The following GRIP2 variants were observed in gnomAD, a reference collection of about 807,000 sequenced individuals.
GRIP2 encodes the protein glutamate receptor-interacting protein 2.
In GRIP2, 58 loss-of-function variants were observed where a neutral mutation model predicts 108.3. That is an observed-to-expected ratio of 0.54 (90% CI 0.43 to 0.67). The LOEUF (loss-of-function observed/expected upper bound fraction) is 0.67. GRIP2 is among the 30% of genes least tolerant of loss of function. The probability of loss-of-function intolerance (pLI) is 0.00; values close to 1 mark genes in which losing one functional copy is unlikely to be tolerated. For synonymous variants in GRIP2, 586 were observed against 598.2 expected (o/e 0.98, Z 0.30); for missense variants, 1,278 against 1,430.6 (o/e 0.89, Z 1.72).
At chr3:14,564,008 C>G in the GRIP2 span, among the ~76,000 whole-genome samples, 2 of 152,220 alleles carry the variant, frequency 1.3e-5, no homozygotes, top group East Asian at 3.9e-4. Context: ...CAGACCTGCT[C>G]TGAGGCTCAG....
In GRIP2 at chr3:14,493,634, G is replaced by T; in HGVS notation, c.*31C>A. ...CTGGGAGCCAGGATCTGCCTGGGTG[G>T]CCCCTTAGGAGTTCGGCCCACATGC... On this transcript the variant is annotated 3_prime_UTR_variant, in exon 24 of 24. Coordinates refer to ENST00000621039, the MANE Select transcript of GRIP2 (RefSeq NM_001080423.4). 1 of 1,544,176 alleles carries T rather than the reference G, an allele frequency of 6.5e-7. No homozygotes were observed. The highest frequency in any genetic ancestry group is 8.8e-7 in the Non-Finnish European group (1 of 1,139,566).
intron 1 of GRIP2, among the ~76,000 whole-genome samples, chr3:14,531,604 T>C (rs1205464986): frequency 1.3e-5 from 2 of 152,174 alleles, no homozygotes; most frequent in Non-Finnish European, 2.9e-5. Flanking sequence ...CCACATTATC[T>C]TGTTCCACCT....
At chr3:14,551,461 T>G (rs913720038) in intron 1 of GRIP2, among the ~76,000 whole-genome samples, 2 of 152,156 alleles carry the variant, frequency 1.3e-5, no homozygotes, top group Non-Finnish European at 2.9e-5. Flanking sequence ...GGCTCTGCTC[T>G]GCAACAGGGA....
At chr3:14,577,182 G>T in the GRIP2 span, among the ~76,000 whole-genome samples, 2 of 152,140 alleles carry the variant, frequency 1.3e-5, no homozygotes, top group Non-Finnish European at 2.9e-5. Context: ...TATTTTTACT[G>T]TGCACAGTTT....
the GRIP2 span, among the ~76,000 whole-genome samples, chr3:14,589,372 C>G: frequency 6.6e-6 from 1 of 152,152 alleles, no homozygotes. Flanking sequence ...TCTAGAAGGA[C>G]AGTCTAGAAA....
chr3:14,522,093 G>T lies in GRIP2; in HGVS notation c.567-306C>A, dbSNP rs192686499. On this transcript the variant is annotated intron_variant, in intron 6 of 23. Coordinates refer to ENST00000621039, the MANE Select transcript of GRIP2 (RefSeq NM_001080423.4). This position sits in a 1 kb window ranked among gnomAD's most constrained non-coding sequence, Gnocchi z 4.3. ...GAACCCTGAAATGTCTGAGCTGGGG[G>T]TGCTCTTCAAGCGTCACCCCCAACT... The T allele has an allele frequency of 9.5e-5, 32 of 337,706 alleles. No individual in the cohort carries two copies. Among genetic ancestry groups the T allele is most frequent in the African/African-American group, 6.4e-4 (30 of 46,638 alleles). The allele number at this position is 337,706 out of a possible 1,614,324, so 20.9% of individuals were successfully genotyped here.
chr3:14,530,775 T>C (rs1298265726), intron 1 of GRIP2, among the ~76,000 whole-genome samples: 3 of 152,216 alleles, frequency 2.0e-5, no homozygotes, highest in Non-Finnish European at 4.4e-5. Flanking sequence ...GTAGATGAGA[T>C]ATTTTGATAC....
At position 14,521,994 on chromosome 3, in the gene GRIP2, G is replaced by A. The variant is rs997199980; in HGVS notation, c.567-207C>T. 4 of 549,480 alleles carry A rather than the reference G, an allele frequency of 7.3e-6. No individual in the cohort carries two copies. The highest frequency in any genetic ancestry group is 1.3e-5 in the Non-Finnish European group (4 of 314,348). The allele number at this position is 549,480 out of a possible 1,614,324, so 34.0% of individuals were successfully genotyped here. The stretch of plus-strand genomic sequence containing the variant: ...TGGGGAGCTGCATAAAGCAAGGGGG[G>A]GATGAAGACAGGATGGGGTGGCTCT... On this transcript the variant is annotated intron_variant, in intron 6 of 23. Transcript: ENST00000621039. The surrounding 1 kb of genome is among the most constrained non-coding windows in gnomAD (Gnocchi z 5.1).
At position 14,489,787 on chromosome 3, in the gene GRIP2, C is replaced by A. The variant is rs1389032467; in HGVS notation, c.*3878G>T. On this transcript the variant is annotated 3_prime_UTR_variant, in exon 24 of 24. Coordinates refer to ENST00000621039, the MANE Select transcript of GRIP2 (RefSeq NM_001080423.4). ...CCCTCCTCTTTAGCCTTGGGCTGAC[C>A]TGCCAGAAGGGCAGAAAGCGGGTGG... 1 of 152,202 alleles carries A rather than the reference C, an allele frequency of 6.6e-6. No individual in the cohort carries two copies. The highest frequency in any genetic ancestry group is 1.5e-5 in the Non-Finnish European group (1 of 68,068). The allele number at this position is 152,202 out of a possible 1,614,324, so 9.4% of individuals were successfully genotyped here.
intron 1 of GRIP2, among the ~76,000 whole-genome samples, chr3:14,535,883 C>G (rs2124951628): frequency 6.6e-6 from 1 of 152,324 alleles, no homozygotes; most frequent in South Asian, 2.1e-4. Context: ...AGCCCCAGCT[C>G]CTTTGGGCGT....
chr3:14,535,440 C>T (rs181791131), intron 1 of GRIP2, among the ~76,000 whole-genome samples: 28 of 152,282 alleles, frequency 1.8e-4, no homozygotes, highest in Admixed American at 9.1e-4. Context: ...GCAGTTCCCT[C>T]CCTGCCTGCT....
upstream of GRIP2, among the ~76,000 whole-genome samples, chr3:14,559,119 G>A (rs934235932): frequency 2.6e-5 from 4 of 152,350 alleles, no homozygotes; most frequent in Non-Finnish European, 4.4e-5. Context: ...CAACAAGACC[G>A]TGTTACTTAC....
the GRIP2 span, among the ~76,000 whole-genome samples, chr3:14,562,288 G>C: frequency 3.3e-5 from 5 of 152,312 alleles, no homozygotes; most frequent in East Asian, 7.7e-4. Context: ...GTCTCAGAAA[G>C]TAAGGAAGTG....
chr3:14,599,904 G>A, the GRIP2 span, among the ~76,000 whole-genome samples: 248 of 152,098 alleles, frequency 1.6e-3, 2 homozygotes, highest in African/African-American at 5.7e-3. Flanking sequence ...ACTCAAAAAC[G>A]TAATAAAGCA....
chr3:14,523,977 G>A, intron 4 of GRIP2: 2 of 516,290 alleles, frequency 3.9e-6, no homozygotes, highest in South Asian at 5.1e-5. Context: ...GCTCAGGCCA[G>A]GGCTGAATTC....
chr3:14,507,048 T>G lies in GRIP2; in HGVS notation c.2219-68A>C, dbSNP rs1693952308. 8 of 1,440,460 alleles carry G rather than the reference T, an allele frequency of 5.6e-6. No homozygotes were observed. The Admixed American group carries it at 1.7e-4, about 31-fold the overall frequency. The allele number at this position is 1,440,460 out of a possible 1,614,324, so 89.2% of individuals were successfully genotyped here. A position where few individuals can be genotyped will look rare whatever the true frequency, so the allele number is the denominator to read the frequency against. ...CACAGTGAGCCTCAGTTTCTGCATTTCAGCCTGGTCTGGAAACTCACAGGC... is the reference window on the plus strand; with the variant it reads ...CACAGTGAGCCTCAGTTTCTGCATTGCAGCCTGGTCTGGAAACTCACAGGC... On this transcript the variant is annotated intron_variant, in intron 18 of 23. Coordinates refer to ENST00000621039, the MANE Select transcript of GRIP2 (RefSeq NM_001080423.4). This position sits in a 1 kb window ranked among gnomAD's most constrained non-coding sequence, Gnocchi z 4.6.
chr3:14,575,612 G>A, the GRIP2 span, among the ~76,000 whole-genome samples: 10 of 152,240 alleles, frequency 6.6e-5, no homozygotes, highest in Non-Finnish European at 1.3e-4. Flanking sequence ...GAGGGACTCT[G>A]GACAGGAGGG....
At chr3:14,577,492 C>T in the GRIP2 span, among the ~76,000 whole-genome samples, 1 of 152,188 alleles carries the variant, frequency 6.6e-6, no homozygotes, top group Non-Finnish European at 1.5e-5. Flanking sequence ...CCTAGTGTGC[C>T]CCATTGCCCT....
At chr3:14,500,100 T>C (rs532735381) in intron 21 of GRIP2, among the ~76,000 whole-genome samples, 7 of 152,160 alleles carry the variant, frequency 4.6e-5, no homozygotes, top group African/African-American at 1.7e-4. Context: ...ATTGTAGGAA[T>C]AAAAGATGTA....
Sources: gnomAD v4.1 joint callset for allele counts (sites outside exome capture counted in the v4.1 genomes callset) on GRCh38, gnomAD v4.1.1 for gene constraint, Gnocchi (gnomAD v3.1) non-coding constraint, MANE v1.5 for transcripts, NCBI Gene and HGNC (gene_info 2026-07-23, HGNC 2026-07-21) for gene names.